SUPT3H: variants seen among roughly 807,000 people sequenced by gnomAD.
The protein encoded by SUPT3H is SPT3 homolog, SAGA and STAGA complex component.
Under a neutral mutation model 44.3 loss-of-function variants are expected in SUPT3H, and 44 were observed. That is an observed-to-expected ratio of 0.99 (90% CI 0.78 to 1.28). SUPT3H has a LOEUF of 1.28. Ranked by LOEUF, SUPT3H falls within the 50% of genes most tolerant of loss-of-function variation. The pLI is 0.00. For missense variants in SUPT3H, 380 were observed against 387.1 expected, an observed-to-expected ratio of 0.98 and a Z score of 0.15; for synonymous variants, 124 against 125.6, an observed-to-expected ratio of 0.99 and a Z score of 0.09.
chr6:44,886,954 C>G (rs958764637), intron 10 of SUPT3H, among the ~76,000 whole-genome samples: 1 of 152,072 alleles, frequency 6.6e-6, no homozygotes, highest in South Asian at 2.1e-4. Flanking sequence ...CAAAAAAAGG[C>G]AGGGGTTGCA....
chr6:45,179,517 A>G (rs1382687881), intron 2 of SUPT3H, among the ~76,000 whole-genome samples: 2 of 152,212 alleles, frequency 1.3e-5, no homozygotes, highest in African/African-American at 4.8e-5. Context: ...GCACATCAAA[A>G]AACTTATCCA....
intron 3 of SUPT3H, among the ~76,000 whole-genome samples, chr6:45,062,992 T>C (rs201282972): frequency 0.11 from 17,104 of 151,292 alleles, 1,393 homozygotes; most frequent in East Asian, 0.26. Flanking sequence ...CTCTGTAGGC[T>C]CCACCTCTGG....
chr6:44,916,432 C>G (rs759521097), intron 10 of SUPT3H, among the ~76,000 whole-genome samples: 3 of 152,130 alleles, frequency 2.0e-5, no homozygotes, highest in Non-Finnish European at 4.4e-5. Flanking sequence ...GCCATGGACA[C>G]TGGGAAGTAA....
At chr6:45,251,189 A>G (rs1772309921) in intron 2 of SUPT3H, 1 of 152,200 alleles carries the variant, frequency 6.6e-6, no homozygotes, top group Non-Finnish European at 1.5e-5. Flanking sequence ...ATGATTTGCA[A>G]TATAAAACCT....
downstream of SUPT3H, among the ~76,000 whole-genome samples, chr6:44,824,034 A>AC (rs1581833010): frequency 6.6e-6 from 1 of 152,224 alleles, no homozygotes; most frequent in South Asian, 2.1e-4. Flanking sequence ...TGACATGGTA[A>AC]CCCCCCAGTC....
chr6:45,007,608 T>C (rs1782891163), intron 5 of SUPT3H, among the ~76,000 whole-genome samples: 1 of 152,132 alleles, frequency 6.6e-6, no homozygotes, highest in Admixed American at 6.6e-5. Context: ...AGTCCCACTA[T>C]TGTTCTCCTT....
chr6:44,945,157 C>T (rs1027611372), intron 9 of SUPT3H, among the ~76,000 whole-genome samples: 1 of 151,886 alleles, frequency 6.6e-6, no homozygotes, highest in Non-Finnish European at 1.5e-5. Flanking sequence ...TCTTGGGGCG[C>T]CACGAACTGT....
intron 2 of SUPT3H, among the ~76,000 whole-genome samples, chr6:45,298,145 C>A (rs9357484): frequency 0.4 from 61,008 of 151,704 alleles, 12,667 homozygotes; most frequent in East Asian, 0.71. Flanking sequence ...TTAGGACTTT[C>A]GATAATTTAA....
At position 44,962,751 on chromosome 6, in the gene SUPT3H, T is replaced by C. The variant is rs185863449; in HGVS notation, c.505-923A>G. 2.6e-5 allele frequency among the ~76,000 whole-genome samples: 4 copies of C among 152,258 alleles called. No homozygotes were observed. In the East Asian group the frequency reaches 7.7e-4, roughly 29 times the overall value. ...GTAGTCAATTCCAATGATAGGTCAG[T>C]TGATGGAATGAATAATGGTGTACTA... On this transcript the variant is annotated intron_variant, in intron 6 of 10. Coordinates refer to ENST00000371459, the MANE Select transcript of SUPT3H (RefSeq NM_003599.4).
intron 1 of SUPT3H, among the ~76,000 whole-genome samples, chr6:45,369,867 A>G (rs1243983117): frequency 6.6e-6 from 1 of 152,198 alleles, no homozygotes; most frequent in Non-Finnish European, 1.5e-5. Flanking sequence ...GGCATTTAAT[A>G]TAAGATCTGG....
chr6:44,864,289 C>T (rs585909), intron 10 of SUPT3H, among the ~76,000 whole-genome samples: 141,541 of 152,244 alleles, frequency 0.93, 66,668 homozygotes, highest in East Asian at 1. Context: ...ATGGTAGAAA[C>T]TGGCTAAAAC....
At chr6:44,905,593 A>G (rs1012435904) in intron 10 of SUPT3H, among the ~76,000 whole-genome samples, 1 of 152,010 alleles carries the variant, frequency 6.6e-6, no homozygotes, top group African/African-American at 2.4e-5. Flanking sequence ...TAGTTCAACC[A>G]TTGTGGAAGT....
At chr6:45,314,310 A>G (rs1784393244) in intron 2 of SUPT3H, among the ~76,000 whole-genome samples, 1 of 152,150 alleles carries the variant, frequency 6.6e-6, no homozygotes, top group South Asian at 2.1e-4. Context: ...CGACAAGAGA[A>G]AGAGATAAAG....
intron 6 of SUPT3H, among the ~76,000 whole-genome samples, chr6:44,984,109 G>A (rs1439600696): frequency 6.6e-6 from 1 of 152,096 alleles, no homozygotes; most frequent in Admixed American, 6.6e-5. Flanking sequence ...CTCCATCTCC[G>A]CAAGGTTGCC....
chr6:44,877,089 C>T (rs1376362201), intron 10 of SUPT3H, among the ~76,000 whole-genome samples: 1 of 152,128 alleles, frequency 6.6e-6, no homozygotes. Flanking sequence ...AATAATGTAG[C>T]CTTCTTTACT....
intron 6 of SUPT3H, among the ~76,000 whole-genome samples, chr6:45,000,564 T>G (rs1375916547): frequency 6.6e-6 from 1 of 152,216 alleles, no homozygotes; most frequent in East Asian, 1.9e-4. Flanking sequence ...TCTCTTATTA[T>G]TCAGTCTTTA....
chr6:44,990,089 C>G (rs1379659561), intron 6 of SUPT3H, among the ~76,000 whole-genome samples: 1 of 152,164 alleles, frequency 6.6e-6, no homozygotes, highest in East Asian at 1.9e-4. Context: ...CGTCAAGGAG[C>G]TTTGCCCTAT....
intron 9 of SUPT3H, among the ~76,000 whole-genome samples, chr6:44,948,397 A>C (rs549389917): frequency 9.2e-5 from 14 of 152,312 alleles, no homozygotes; most frequent in South Asian, 2.1e-4. Flanking sequence ...AATGGGATCT[A>C]ATTAAACTAA....
At chr6:45,107,980 A>C (rs1799512401) in intron 2 of SUPT3H, among the ~76,000 whole-genome samples, 1 of 152,244 alleles carries the variant, frequency 6.6e-6, no homozygotes, top group Admixed American at 6.5e-5. Flanking sequence ...AGAAATGAAA[A>C]ATATAATAGC....
Sources: allele counts gnomAD v4.1 joint callset (sites outside exome capture counted in the v4.1 genomes callset), GRCh38; gene constraint gnomAD v4.1.1; transcripts MANE v1.5; gene names NCBI Gene and HGNC (gene_info 2026-07-23, HGNC 2026-07-21).